The following RGS17 variants were observed in gnomAD, a reference collection of about 807,000 sequenced individuals.
RGS17 encodes regulator of G protein signaling 17, also known as regulator of G-protein signaling 17.
RGS17 carries 12 observed loss-of-function variants against 25.5 expected under a neutral mutation model. That is an observed-to-expected ratio of 0.47 (90% CI 0.30 to 0.76). The LOEUF is 0.76. Among genes scored for constraint, RGS17 ranks in the 30% least tolerant of loss-of-function variants. The probability of loss-of-function intolerance (pLI) is 0.07; values close to 1 mark genes in which losing one functional copy is unlikely to be tolerated. For missense variants in RGS17, 196 were observed against 242.2 expected, an observed-to-expected ratio of 0.81 and a Z score of 1.27; for synonymous variants, 71 against 76.9, an observed-to-expected ratio of 0.92 and a Z score of 0.40.
At chr6:153,070,921 G>A (rs907958038) in intron 1 of RGS17, among the ~76,000 whole-genome samples, 6 of 149,622 alleles carry the variant, frequency 4.0e-5, no homozygotes, top group South Asian at 2.1e-4. Flanking sequence ...ATGTGTACAT[G>A]TGTATCTGTA....
At position 153,130,652 on chromosome 6, in the gene RGS17, G is replaced by A. The variant is rs887041470; in HGVS notation, c.-26+472C>T. 6.6e-6 allele frequency among the ~76,000 whole-genome samples: 1 copy of A among 152,156 alleles called. No homozygotes were observed. The highest frequency in any genetic ancestry group is 2.4e-5 in the African/African-American group (1 of 41,448). On this transcript the variant is annotated intron_variant, in intron 1 of 4. Transcript: ENST00000206262. The surrounding 1 kb of genome is among the most constrained non-coding windows in gnomAD (Gnocchi z 6.4). ...AGCACCCAAGGTGATCAGTCGATTG[G>A]ACACTGTTGATGGCACATTCTCCTC...
intron 1 of RGS17, among the ~76,000 whole-genome samples, chr6:153,072,912 GA>G (rs1274653207): frequency 1.3e-5 from 2 of 150,730 alleles, no homozygotes; most frequent in Non-Finnish European, 2.9e-5. Flanking sequence ...CATTTCATAT[GA>G]GTTGTGAAAT....
intron 4 of RGS17, among the ~76,000 whole-genome samples, chr6:153,022,870 T>G (rs2129106781): frequency 6.6e-6 from 1 of 152,296 alleles, no homozygotes. Context: ...GTAACAAATG[T>G]GTTGAGGCTA....
intron 1 of RGS17, among the ~76,000 whole-genome samples, chr6:153,063,256 G>C (rs567725679): frequency 2.6e-5 from 4 of 152,230 alleles, no homozygotes; most frequent in African/African-American, 9.6e-5. Context: ...GATTAATCTT[G>C]AAGAAACAGA....
At chr6:153,018,171 G>T (rs1041722077) in intron 4 of RGS17, among the ~76,000 whole-genome samples, 3 of 152,092 alleles carry the variant, frequency 2.0e-5, no homozygotes, top group Middle Eastern at 3.2e-3. Context: ...CTAGGGGAGG[G>T]TTCAGGCCTG....
chr6:153,054,043 GTATA>G lies in RGS17; in HGVS notation c.-25-10004_-25-10001del, dbSNP rs1179983272. Among the ~76,000 whole-genome samples, 26 of 41,750 alleles carry G rather than the reference GTATA, an allele frequency of 6.2e-4. 1 individual carries two copies. Among genetic ancestry groups the G allele is most frequent in the Admixed American group, 1.0e-3 (3 of 2,982 alleles). The allele number at this position is 41,750 out of a possible 152,430, so 27.4% of individuals were successfully genotyped here. On this transcript the variant is annotated intron_variant, in intron 1 of 4. Coordinates refer to ENST00000206262, the MANE Select transcript of RGS17 (RefSeq NM_012419.5). ...GTATATAATATATATACATATATAT[GTATA>G]TATGTATATAATATATATACATATA...
chr6:153,120,079 T>C (rs1213950466), intron 1 of RGS17, among the ~76,000 whole-genome samples: 1 of 152,214 alleles, frequency 6.6e-6, no homozygotes, highest in Non-Finnish European at 1.5e-5. Flanking sequence ...GTGTCAAAAA[T>C]AAGTTCAAAA....
chr6:153,065,234 C>T (rs1776691078), intron 1 of RGS17, among the ~76,000 whole-genome samples: 1 of 152,072 alleles, frequency 6.6e-6, no homozygotes, highest in Non-Finnish European at 1.5e-5. Context: ...GAGGGTAATT[C>T]AACAAGAGGA....
At chr6:153,025,416 A>T (rs933569511) in intron 3 of RGS17, among the ~76,000 whole-genome samples, 1 of 151,972 alleles carries the variant, frequency 6.6e-6, no homozygotes, top group Non-Finnish European at 1.5e-5. Context: ...AATGACACTG[A>T]CATTGGGGAA....
At chr6:153,087,293 A>C (rs1415588365) in intron 1 of RGS17, among the ~76,000 whole-genome samples, 1 of 152,214 alleles carries the variant, frequency 6.6e-6, no homozygotes, top group African/African-American at 2.4e-5. Context: ...CAAACAAACA[A>C]ACAGCTAAAA....
In RGS17 at chr6:153,024,516, C is replaced by T. The variant is rs774385657; in HGVS notation, c.210-20G>A. The T allele has an allele frequency of 1.4e-5, 22 of 1,568,372 alleles. No individual in the cohort carries two copies. The highest frequency in any genetic ancestry group is 3.4e-4 in the Middle Eastern group (2 of 5,970). On this transcript the variant is annotated intron_variant, in intron 3 of 4. Transcript: ENST00000206262. ...TTTTGGCTGCAGAGACAGAACGGGG[C>T]CGTGATCAAAGGGAACTTTGTGACC...
At chr6:153,067,537 CA>C (rs1316659439) in intron 1 of RGS17, among the ~76,000 whole-genome samples, 19 of 151,526 alleles carry the variant, frequency 1.3e-4, no homozygotes, top group Non-Finnish European at 2.1e-4. Flanking sequence ...AAAAAGAAAC[CA>C]AAAAAAGTAA....
intron 1 of RGS17, among the ~76,000 whole-genome samples, chr6:153,096,517 C>T (rs1333549606): frequency 1.3e-5 from 2 of 152,132 alleles, no homozygotes; most frequent in African/African-American, 2.4e-5. Context: ...TCAAGCTGGC[C>T]GTTTAATCTC....
chr6:153,119,535 CA>C, intron 1 of RGS17, among the ~76,000 whole-genome samples: 1 of 151,776 alleles, frequency 6.6e-6, no homozygotes, highest in East Asian at 1.9e-4. Context: ...ACTAAAAATA[CA>C]AAAAAAATTA....
At chr6:153,055,300 C>G (rs912050857) in intron 1 of RGS17, among the ~76,000 whole-genome samples, 1 of 152,044 alleles carries the variant, frequency 6.6e-6, no homozygotes, top group Non-Finnish European at 1.5e-5. Context: ...TTCACCAATT[C>G]TAATTTTTTA....
chr6:153,090,608 C>T (rs1042839534), intron 1 of RGS17, among the ~76,000 whole-genome samples: 2 of 151,682 alleles, frequency 1.3e-5, no homozygotes, highest in African/African-American at 2.4e-5. Flanking sequence ...GCCTGGGCAA[C>T]GAAATGAGGC....
At chr6:153,129,818 A>AG (rs1777759525) in intron 1 of RGS17, among the ~76,000 whole-genome samples, 1 of 152,248 alleles carries the variant, frequency 6.6e-6, no homozygotes, top group Admixed American at 6.5e-5. Context: ...TGGAAAGGTC[A>AG]GGGGAGGTCA....
At chr6:153,061,129 C>T (rs62436154) in intron 1 of RGS17, among the ~76,000 whole-genome samples, 27,501 of 152,112 alleles carry the variant, frequency 0.18, 2,919 homozygotes, top group South Asian at 0.24. Context: ...CAAAGTAATG[C>T]TTTTAAAAAT....
chr6:153,117,400 A>G (rs1777561160), intron 1 of RGS17, among the ~76,000 whole-genome samples: 1 of 152,200 alleles, frequency 6.6e-6, no homozygotes, highest in Non-Finnish European at 1.5e-5. Flanking sequence ...TATGGGAATT[A>G]CAAATCAAGA....
Sources: allele counts gnomAD v4.1 joint callset (sites outside exome capture counted in the v4.1 genomes callset), GRCh38; gene constraint gnomAD v4.1.1; non-coding constraint Gnocchi (gnomAD v3.1); transcripts MANE v1.5; gene names NCBI Gene and HGNC (gene_info 2026-07-23, HGNC 2026-07-21).